Variants in RBM19 observed in about 807,000 individuals in gnomAD.
RBM19 encodes the protein RNA binding motif protein 19.
Under a neutral mutation model 116.8 loss-of-function variants are expected in RBM19, and 94 were observed. The observed-to-expected ratio is 0.80, with a 90% CI of 0.68 to 0.95. The LOEUF is 0.95. RBM19 is among the 40% of genes least tolerant of loss of function. The probability of loss-of-function intolerance (pLI) is 0.00; values close to 1 mark genes in which losing one functional copy is unlikely to be tolerated. For missense variants in RBM19, 1,161 were observed against 1,220.7 expected, an observed-to-expected ratio of 0.95 and a Z score of 0.73; for synonymous variants, 475 against 494.1, an observed-to-expected ratio of 0.96 and a Z score of 0.51.
chr12:113,844,607 CCCA>C, intron 23 of RBM19, 58 bp downstream of exon 23: 1 of 1,548,720 alleles, frequency 6.5e-7, no homozygotes, highest in Non-Finnish European at 8.7e-7. Flanking sequence ...AGATGTCCCA[CCCA>C]CCTCTTGTGT....
intron 10 of RBM19, among the ~76,000 whole-genome samples, chr12:113,948,506 A>G (rs148257773): frequency 6.6e-6 from 1 of 152,348 alleles, no homozygotes; most frequent in African/African-American, 2.4e-5. Flanking sequence ...ACCGAGTGGC[A>G]TGACTTTGGA....
intron 21 of RBM19, among the ~76,000 whole-genome samples, chr12:113,886,422 C>T (rs908521057): frequency 2.6e-5 from 4 of 152,180 alleles, no homozygotes; most frequent in Non-Finnish European, 5.9e-5. Flanking sequence ...TGTAAGCCAC[C>T]GCGACTGGCC....
At chr12:113,818,707 C>T (rs910965779), downstream of RBM19, among the ~76,000 whole-genome samples, 23 of 152,236 alleles carry the variant, frequency 1.5e-4, no homozygotes, top group Non-Finnish European at 3.1e-4. Flanking sequence ...AGACATGGAA[C>T]GCAAGGCCTG....
intron 21 of RBM19, among the ~76,000 whole-genome samples, chr12:113,881,229 C>G (rs1416285010): frequency 6.6e-6 from 1 of 152,186 alleles, no homozygotes; most frequent in Non-Finnish European, 1.5e-5. Flanking sequence ...CAGACAGGTA[C>G]AGTTGCCATG....
chr12:113,895,978 A>G (rs1035329006), intron 21 of RBM19, among the ~76,000 whole-genome samples: 13 of 152,028 alleles, frequency 8.6e-5, no homozygotes, highest in Non-Finnish European at 1.6e-4. Flanking sequence ...CTCTATACAC[A>G]TATCTATAGA....
chr12:113,937,751 C>T (rs1161685445), intron 15 of RBM19, among the ~76,000 whole-genome samples: 29 of 101,618 alleles, frequency 2.9e-4, no homozygotes, highest in African/African-American at 1.3e-3. Context: ...GAAATCCTGC[C>T]TCTTAAAAAA....
At chr12:113,886,488 C>A (rs1008621495) in intron 21 of RBM19, among the ~76,000 whole-genome samples, 3 of 152,080 alleles carry the variant, frequency 2.0e-5, no homozygotes, top group Admixed American at 1.3e-4. Flanking sequence ...GATGCAGACT[C>A]CTCTAAAGCT....
At chr12:113,879,307 T>C (rs1209932854) in intron 21 of RBM19, among the ~76,000 whole-genome samples, 2 of 152,072 alleles carry the variant, frequency 1.3e-5, no homozygotes, top group African/African-American at 4.8e-5. Flanking sequence ...TCCCTGTCTG[T>C]CCTGCTGTCC....
intron 17 of RBM19, among the ~76,000 whole-genome samples, chr12:113,925,116 T>A (rs1436017969): frequency 1.3e-5 from 2 of 152,202 alleles, no homozygotes; most frequent in Admixed American, 1.3e-4. Context: ...CAGAATAATT[T>A]TTACAGAAAT....
At position 113,842,273 on chromosome 12, in the gene RBM19, C is replaced by T. The variant is rs545810060; in HGVS notation, c.2785+2395G>A. Among the ~76,000 whole-genome samples, 65 of 151,732 alleles carry T rather than the reference C, an allele frequency of 4.3e-4. No individual in the cohort carries two copies. In the South Asian group the frequency reaches 5.9e-3, roughly 14 times the overall value. ...GCAGAACCGCTGAGCCTGCACTCCT[C>T]GGCTGGCCCCGGGGTTGGGGGATGG... On this transcript the variant is annotated intron_variant, in intron 23 of 23. Coordinates refer to ENST00000261741, the MANE Select transcript of RBM19 (RefSeq NM_016196.4).
chr12:113,965,711 C>T (rs139162017), intron 1 of RBM19, among the ~76,000 whole-genome samples: 13 of 152,260 alleles, frequency 8.5e-5, no homozygotes, highest in African/African-American at 2.6e-4. Context: ...TGGATAAATG[C>T]TGTAAAGCCC....
chr12:113,861,020 T>C (rs967441871), intron 21 of RBM19, among the ~76,000 whole-genome samples: 1 of 152,214 alleles, frequency 6.6e-6, no homozygotes, highest in East Asian at 1.9e-4. Context: ...ATGTGAACTA[T>C]TGTTAGCCTT....
At chr12:113,852,889 G>A (rs868134098) in intron 22 of RBM19, among the ~76,000 whole-genome samples, 2 of 152,324 alleles carry the variant, frequency 1.3e-5, no homozygotes, top group African/African-American at 4.8e-5. Flanking sequence ...CGTGTTGAAC[G>A]CACGCCACTG....
intron 21 of RBM19, among the ~76,000 whole-genome samples, chr12:113,909,887 T>C (rs1315720410): frequency 1.3e-5 from 2 of 152,216 alleles, no homozygotes; most frequent in African/African-American, 4.8e-5. Context: ...GCGTCTCACA[T>C]ACTTGACTCA....
intron 21 of RBM19, among the ~76,000 whole-genome samples, chr12:113,887,634 C>CAA (rs35665613): frequency 0.34 from 24,203 of 70,738 alleles, 4,890 homozygotes; most frequent in Middle Eastern, 0.4. Context: ...GACTCCATCT[C>CAA]AAAAAAAAAA....
chr12:113,900,152 A>C (rs1881596425), intron 21 of RBM19, among the ~76,000 whole-genome samples: 1 of 152,222 alleles, frequency 6.6e-6, no homozygotes, highest in African/African-American at 2.4e-5. Flanking sequence ...CGAGCCTGCG[A>C]AATCTCAAAG....
chr12:113,949,333 C>T (rs1871295988), intron 9 of RBM19, among the ~76,000 whole-genome samples: 2 of 152,216 alleles, frequency 1.3e-5, no homozygotes, highest in Admixed American at 1.3e-4. Context: ...TTCTCTGGCA[C>T]TGCTTGCTGT....
intron 21 of RBM19, among the ~76,000 whole-genome samples, chr12:113,879,758 A>C (rs1211419373): frequency 6.6e-6 from 1 of 151,960 alleles, no homozygotes; most frequent in Admixed American, 6.6e-5. Flanking sequence ...CCAGCATTCC[A>C]TTGCAGGAAC....
At chr12:113,919,561 A>T (rs1461139178) in intron 19 of RBM19, among the ~76,000 whole-genome samples, 1 of 152,148 alleles carries the variant, frequency 6.6e-6, no homozygotes, top group Non-Finnish European at 1.5e-5. Context: ...ACAGAGTGAG[A>T]CTCCGTCTCA....
Sources: gnomAD v4.1 joint callset for allele counts (sites outside exome capture counted in the v4.1 genomes callset) on GRCh38, gnomAD v4.1.1 for gene constraint, MANE v1.5 for transcripts, NCBI Gene and HGNC (gene_info 2026-07-23, HGNC 2026-07-21) for gene names.